CACNA2D1: variants seen among roughly 807,000 people sequenced by gnomAD.
The protein encoded by CACNA2D1 is calcium voltage-gated channel auxiliary subunit alpha2delta 1, also known as voltage-dependent calcium channel subunit alpha-2/delta-1.
A neutral mutation model predicts 171.5 loss-of-function variants in CACNA2D1; 53 were observed. The observed-to-expected ratio is 0.31, with a 90% CI of 0.25 to 0.39. The LOEUF is 0.39. CACNA2D1 is among the 10% of genes least tolerant of loss of function. The pLI is 1.00. For synonymous variants in CACNA2D1, 442 were observed against 443.1 expected (o/e 1.00, Z 0.03); for missense variants, 903 against 1,299.8 (o/e 0.69, Z 4.69).
intron 6 of CACNA2D1, among the ~76,000 whole-genome samples, chr7:82,116,352 TAA>T (rs1334528720): frequency 6.6e-6 from 1 of 152,218 alleles, no homozygotes; most frequent in Non-Finnish European, 1.5e-5. Context: ...AGCGTGTCTC[TAA>T]AAAACAACAC....
chr7:82,151,582 A>G (rs1460909580), intron 4 of CACNA2D1, among the ~76,000 whole-genome samples: 1 of 152,120 alleles, frequency 6.6e-6, no homozygotes, highest in Non-Finnish European at 1.5e-5. Flanking sequence ...AATTGAGGTA[A>G]AAAGAAGATA....
intron 1 of CACNA2D1, among the ~76,000 whole-genome samples, chr7:82,365,117 G>A (rs180909629): frequency 6.6e-6 from 1 of 152,286 alleles, no homozygotes; most frequent in Non-Finnish European, 1.5e-5. Context: ...AGGACATCTG[G>A]AAGTTGGGAG....
At chr7:82,347,794 T>TAG (rs3831538) in intron 2 of CACNA2D1, among the ~76,000 whole-genome samples, 19,774 of 152,076 alleles carry the variant, frequency 0.13, 1,904 homozygotes, top group African/African-American at 0.27. Context: ...AACAGAAAAT[T>TAG]AGAGATTTTC....
chr7:81,955,679 C>G (rs1370133165), intron 38 of CACNA2D1, among the ~76,000 whole-genome samples: 1 of 151,700 alleles, frequency 6.6e-6, no homozygotes, highest in Non-Finnish European at 1.5e-5. Context: ...AGGACTTCAT[C>G]AAAACTCAAG....
At position 82,110,561 on chromosome 7, in the gene CACNA2D1, T is replaced by A. The variant is rs181793428; in HGVS notation, c.526+6483A>T. 2.0e-5 allele frequency among the ~76,000 whole-genome samples: 3 copies of A among 152,308 alleles called. No homozygotes were observed. The East Asian group carries it at 5.8e-4, about 29-fold the overall frequency. On this transcript the variant is annotated intron_variant, in intron 6 of 38. Transcript: ENST00000356860. ...GTAAATATCAGAGTCTTTGCAATCG[T>A]CCATAGGGCTGTGGCTGACATGGCG...
intron 38 of CACNA2D1, among the ~76,000 whole-genome samples, chr7:81,958,608 TAGAG>T (rs1314379079): frequency 3.9e-5 from 6 of 152,012 alleles, no homozygotes; most frequent in Non-Finnish European, 7.4e-5. Context: ...TAGTATTTAT[TAGAG>T]AAAGATAGCT....
intron 3 of CACNA2D1, among the ~76,000 whole-genome samples, chr7:82,247,403 G>T (rs903846818): frequency 2.6e-5 from 4 of 151,994 alleles, no homozygotes; most frequent in Non-Finnish European, 5.9e-5. Context: ...CCAGCTACTT[G>T]AGAGGCTGAG....
At chr7:82,443,213 C>T in intron 1 of CACNA2D1, 152 bp downstream of exon 1, 1 of 673,024 alleles carries the variant, frequency 1.5e-6, no homozygotes. Flanking sequence ...CGCGCACCGC[C>T]TGCCCGGCGT....
intron 3 of CACNA2D1, among the ~76,000 whole-genome samples, chr7:82,278,265 T>C (rs1300175418): frequency 6.6e-6 from 1 of 152,096 alleles, no homozygotes; most frequent in Non-Finnish European, 1.5e-5. Flanking sequence ...CCTAATATAC[T>C]TATATCAACA....
At chr7:82,280,010 T>C (rs1402045797) in intron 3 of CACNA2D1, among the ~76,000 whole-genome samples, 2 of 152,160 alleles carry the variant, frequency 1.3e-5, no homozygotes, top group East Asian at 3.9e-4. Flanking sequence ...TCTTCTCTTT[T>C]AAGTGACAAG....
intron 5 of CACNA2D1, among the ~76,000 whole-genome samples, chr7:82,122,659 A>G (rs1414140973): frequency 6.6e-6 from 1 of 152,190 alleles, no homozygotes; most frequent in Non-Finnish European, 1.5e-5. Flanking sequence ...TATGTAACCT[A>G]TATTTTGGGA....
intron 6 of CACNA2D1, among the ~76,000 whole-genome samples, chr7:82,098,812 T>G (rs898345817): frequency 6.6e-6 from 1 of 152,194 alleles, no homozygotes; most frequent in African/African-American, 2.4e-5. Flanking sequence ...AATGCATGCA[T>G]GCCAAACATC....
chr7:82,038,378 T>C, intron 10 of CACNA2D1, 143 bp from the exon 11 acceptor site: 1 of 712,666 alleles, frequency 1.4e-6, no homozygotes, highest in Non-Finnish European at 2.3e-6. Context: ...GTGACAAAGG[T>C]GCATTAAGAA....
At chr7:82,150,890 A>G (rs571955871) in intron 4 of CACNA2D1, among the ~76,000 whole-genome samples, 1 of 152,324 alleles carries the variant, frequency 6.6e-6, no homozygotes, top group African/African-American at 2.4e-5. Flanking sequence ...ACATTAAAGA[A>G]GCACATTTGA....
intron 3 of CACNA2D1, among the ~76,000 whole-genome samples, chr7:82,222,716 G>A (rs1226921472): frequency 6.7e-6 from 1 of 150,304 alleles, no homozygotes; most frequent in Non-Finnish European, 1.5e-5. Context: ...AGCTCTTGAG[G>A]GCAGGAATCT....
intron 31 of CACNA2D1, among the ~76,000 whole-genome samples, chr7:81,965,904 G>A (rs1794664354): frequency 6.6e-6 from 1 of 151,680 alleles, no homozygotes; most frequent in South Asian, 2.1e-4. Flanking sequence ...AATTCAGTCT[G>A]AACAAATCAG....
chr7:82,349,697 A>C, intron 1 of CACNA2D1, 48 bp from the exon 2 acceptor site: 1 of 1,372,080 alleles, frequency 7.3e-7, no homozygotes, highest in Non-Finnish European at 1.0e-6. Flanking sequence ...CTGGCAAATA[A>C]AAGTCACATG....
chr7:82,347,846 T>C (rs1262067256), intron 2 of CACNA2D1, among the ~76,000 whole-genome samples: 1 of 151,838 alleles, frequency 6.6e-6, no homozygotes, highest in South Asian at 2.1e-4. Flanking sequence ...AATTCAGTCA[T>C]TGATTAATTC....
Position 82,069,073 on chromosome 7 carries a change from T to C in CACNA2D1, c.659-2549A>G, listed in dbSNP as rs1288856787. On this transcript the variant is annotated intron_variant, in intron 7 of 38. Coordinates refer to ENST00000356860, the MANE Select transcript of CACNA2D1 (RefSeq NM_000722.4). The stretch of plus-strand genomic sequence containing the variant: ...CCCTTGATTAAACCAAATTAAGATA[T>C]TAATGTTATGGTAAAATTGAACAAC... 2.0e-5 allele frequency among the ~76,000 whole-genome samples: 3 copies of C among 152,170 alleles called. No individual in the cohort carries two copies. In the East Asian group the frequency reaches 5.8e-4, roughly 29 times the overall value.
Sources: gnomAD v4.1 joint callset for allele counts (sites outside exome capture counted in the v4.1 genomes callset) on GRCh38, gnomAD v4.1.1 for gene constraint, MANE v1.5 for transcripts, NCBI Gene and HGNC (gene_info 2026-07-23, HGNC 2026-07-21) for gene names.